The following DCHS2 variants were observed in gnomAD, a reference collection of about 807,000 sequenced individuals.
DCHS2 encodes dachsous cadherin-related 2.
In DCHS2, 142 loss-of-function variants were observed where a neutral mutation model predicts 182.4. The ratio of observed to expected loss-of-function variants is 0.78; its 90% CI spans 0.68 to 0.89. DCHS2 has a LOEUF of 0.89. Ranked by LOEUF, DCHS2 falls within the 40% of genes least tolerant of loss-of-function variation. The probability of loss-of-function intolerance (pLI) is 0.00; values close to 1 mark genes in which losing one functional copy is unlikely to be tolerated. For missense variants in DCHS2, 4,319 were observed against 4,198.6 expected, an observed-to-expected ratio of 1.03 and a Z score of -0.79; for synonymous variants, 1,740 against 1,663.3, an observed-to-expected ratio of 1.05 and a Z score of -1.12.
At chr4:154,417,938 T>G (rs1445876773) in intron 1 of DCHS2, among the ~76,000 whole-genome samples, 1 of 152,246 alleles carries the variant, frequency 6.6e-6, no homozygotes, top group Non-Finnish European at 1.5e-5. Context: ...TCTAACCATT[T>G]CATCTTTGCT....
In DCHS2 at chr4:154,491,608, T is replaced by A; in HGVS notation, c.-253A>T. On this transcript the variant is annotated 5_prime_UTR_variant, in exon 1 of 20. Coordinates refer to ENST00000357232, the MANE Select transcript of DCHS2 (RefSeq NM_001358235.2). ...GCAGCCACCTCTTCTGCCCCTGGAT[T>A]TCTTTAAACGAATCTCATCTCTTTT... is the stretch of plus-strand genomic sequence containing the variant. The A allele has an allele frequency of 7.5e-7, 1 of 1,330,172 alleles. No homozygotes were observed. The highest frequency in any genetic ancestry group is 1.5e-5 in the African/African-American group (1 of 66,188). 82.4% of individuals were successfully genotyped at this position (1,330,172 alleles called of 1,614,324 possible).
At chr4:154,328,026 G>A (rs1447468489) in intron 7 of DCHS2, 67 bp downstream of exon 7, 12 of 1,136,682 alleles carry the variant, frequency 1.1e-5, no homozygotes, top group Non-Finnish European at 1.5e-5. Context: ...TTCCCAGAAG[G>A]GGATAGTTGA....
chr4:154,423,611 T>G (rs530643388), intron 1 of DCHS2, among the ~76,000 whole-genome samples: 160 of 152,356 alleles, frequency 1.1e-3, no homozygotes, highest in Non-Finnish European at 2.0e-3. Context: ...AGAATCCAGC[T>G]GAGCTTCTTT....
At chr4:154,389,516 T>TTATATATATCTATATA (rs1731577204) in intron 1 of DCHS2, among the ~76,000 whole-genome samples, 1 of 111,132 alleles carries the variant, frequency 9.0e-6, no homozygotes, top group African/African-American at 3.1e-5. Flanking sequence ...AAGACAAAGG[T>TTATATATATCTATATA]TATATATATA....
At chr4:154,426,705 G>A (rs915004790) in intron 1 of DCHS2, among the ~76,000 whole-genome samples, 10 of 151,790 alleles carry the variant, frequency 6.6e-5, no homozygotes, top group African/African-American at 1.9e-4. Flanking sequence ...AGGCTGAGGA[G>A]GGAGGATTCC....
chr4:154,376,870 G>C (rs1391571553), intron 2 of DCHS2, among the ~76,000 whole-genome samples: 1 of 152,172 alleles, frequency 6.6e-6, no homozygotes, highest in Non-Finnish European at 1.5e-5. Context: ...AGGCCTGACT[G>C]TTACAGATGG....
In DCHS2 at chr4:154,332,763, C is replaced by T; in HGVS notation, c.3445G>A (p.Asp1149Asn). The T allele has an allele frequency of 6.2e-7, 1 of 1,614,194 alleles. No homozygotes were observed. Residue 1149 changes from aspartate to asparagine, a missense_variant, in exon 5 of 20, where the codon GAC becomes AAC. Physicochemically the swap from Asp to Asn is conservative, Grantham distance 23. Coordinates refer to ENST00000357232, the MANE Select transcript of DCHS2 (RefSeq NM_001358235.2). ...TTATATGTTTGGGTGGATTCATAGT[C>T]AAACTGTCGCCGCAAATAAATCCAG... ...TGWIYLRRQF[D>N]YESTQTYNFR...
chr4:154,401,222 A>G (rs1288673791), intron 1 of DCHS2, among the ~76,000 whole-genome samples: 1 of 152,080 alleles, frequency 6.6e-6, no homozygotes, highest in African/African-American at 2.4e-5. Context: ...CTATTGTTTC[A>G]TGTTTTAGTA....
At position 154,239,305 on chromosome 4, in the gene DCHS2, G is replaced by GAGGGAAAA; in HGVS notation, c.7360-11_7360-4dup. 6.2e-7 allele frequency: 1 copy of GAGGGAAAA among 1,611,480 alleles called. No individual in the cohort carries two copies. Among genetic ancestry groups the GAGGGAAAA allele is most frequent in the Non-Finnish European group, 8.5e-7 (1 of 1,179,172 alleles). On this transcript the variant is annotated splice_region_variant and splice_polypyrimidine_tract_variant and intron_variant, in intron 18 of 19. Transcript: ENST00000357232. ...GGTATTGATTCAGGAACTGTGACCT[G>GAGGGAAAA]AGGGAAAAAGAGAAAAATAGGGACA... is the stretch of plus-strand genomic sequence containing the variant.
At chr4:154,290,465 G>C (rs1404961543) in intron 13 of DCHS2, among the ~76,000 whole-genome samples, 1 of 151,976 alleles carries the variant, frequency 6.6e-6, no homozygotes, top group African/African-American at 2.4e-5. Flanking sequence ...AATCATAAAA[G>C]ACCCATCATA....
intron 10 of DCHS2, among the ~76,000 whole-genome samples, chr4:154,314,202 T>A (rs1372413643): frequency 2.0e-5 from 3 of 152,200 alleles, no homozygotes; most frequent in Admixed American, 2.0e-4. Flanking sequence ...AGCAATAAGT[T>A]CAGTATATGT....
At chr4:154,468,652 A>G (rs902526658) in intron 1 of DCHS2, among the ~76,000 whole-genome samples, 1 of 152,310 alleles carries the variant, frequency 6.6e-6, no homozygotes, top group African/African-American at 2.4e-5. Flanking sequence ...CTTTATTGCT[A>G]TTGATACAAC....
chr4:154,279,706 A>C (rs1734035299), intron 13 of DCHS2, among the ~76,000 whole-genome samples: 1 of 151,974 alleles, frequency 6.6e-6, no homozygotes, highest in Non-Finnish European at 1.5e-5. Context: ...AACATACCAA[A>C]AATTATGGGA....
chr4:154,320,557 A>G lies in DCHS2; in HGVS notation c.4842T>C (p.Asn1614=). The G allele has an allele frequency of 6.2e-7, 1 of 1,614,086 alleles. No individual in the cohort carries two copies. The highest frequency in any genetic ancestry group is 8.5e-7 in the Non-Finnish European group (1 of 1,180,004). The change falls in exon 9 of 20, where the codon AAT becomes AAC. Residue 1614 remains asparagine (N), a synonymous_variant. Coordinates refer to ENST00000357232, the MANE Select transcript of DCHS2 (RefSeq NM_001358235.2). The stretch of plus-strand genomic sequence containing the variant: ...AAGAAATAAAAGTGGGGTTGTGGTC[A>G]TTTACATCCAAAATCACTATTTGTG... The part of the protein sequence containing the change: ...LTAQIVILDV[N]DHNPTFISFP...
chr4:154,259,504 A>ACC (rs1004527430), intron 15 of DCHS2, 41 bp downstream of exon 15: 6 of 1,227,492 alleles, frequency 4.9e-6, no homozygotes, highest in African/African-American at 3.5e-5. Context: ...ACACACCCAC[A>ACC]CACACACACA....
intron 1 of DCHS2, among the ~76,000 whole-genome samples, chr4:154,457,628 T>C (rs938914503): frequency 2.0e-5 from 3 of 152,204 alleles, no homozygotes; most frequent in Non-Finnish European, 4.4e-5. Context: ...TTGACGATTT[T>C]GTTTTTTAGA....
chr4:154,240,959 A>C lies in DCHS2; in HGVS notation c.7073-136T>G, dbSNP rs1731797230. The C allele has an allele frequency of 2.9e-6, 4 of 1,365,396 alleles. No homozygotes were observed. In the South Asian group the frequency reaches 6.0e-5, roughly 20 times the overall value. The allele number at this position is 1,365,396 out of a possible 1,614,324, so 84.6% of individuals were successfully genotyped here. A position where few individuals can be genotyped will look rare whatever the true frequency, so the allele number is the denominator to read the frequency against. ...TTTCTTGGCTTGATTTCTCATACAA[A>C]GCTCATTATGCACTGAACAAAAACT... On this transcript the variant is annotated intron_variant, in intron 17 of 19. Transcript: ENST00000357232.
At chr4:154,322,682 A>C (rs764884265) in intron 7 of DCHS2, 194 bp from the exon 8 acceptor site, 30 of 677,868 alleles carry the variant, frequency 4.4e-5, no homozygotes, top group Non-Finnish European at 6.2e-5. Context: ...AAATGCATAC[A>C]AAAAAGTGGA....
intron 9 of DCHS2, among the ~76,000 whole-genome samples, chr4:154,318,856 A>T (rs1019872335): frequency 1.3e-5 from 2 of 152,138 alleles, no homozygotes; most frequent in African/African-American, 4.8e-5. Flanking sequence ...ATAATATCGC[A>T]ATTCAAATGG....
Sources: allele counts gnomAD v4.1 joint callset (sites outside exome capture counted in the v4.1 genomes callset), GRCh38; gene constraint gnomAD v4.1.1; transcripts MANE v1.5; gene names NCBI Gene and HGNC (gene_info 2026-07-23, HGNC 2026-07-21).